MRO: variants seen among roughly 807,000 people sequenced by gnomAD.
The protein encoded by MRO is maestro.
A neutral mutation model predicts 31.0 loss-of-function variants in MRO; 28 were observed. The observed-to-expected ratio is 0.90, with a 90% CI of 0.67 to 1.24. MRO has a LOEUF of 1.24. Among genes scored for constraint, MRO ranks in the 50% most tolerant of loss-of-function variants. The pLI, the probability that MRO is intolerant of heterozygous loss-of-function variation, is 0.00. For missense variants in MRO, 332 were observed against 289.2 expected (o/e 1.15, Z -1.07); for synonymous variants, 108 against 108.4 (o/e 1.00, Z 0.02).
upstream of MRO, among the ~76,000 whole-genome samples, chr18:50,824,725 A>G (rs564124010): frequency 6.5e-4 from 94 of 145,328 alleles, no homozygotes; most frequent in African/African-American, 2.0e-3. Context: ...AAGTGTTGGG[A>G]TTACAGGCAT....
intron 3 of MRO, among the ~76,000 whole-genome samples, 158 bp downstream of exon 3, chr18:50,809,144 C>CAAAAAAAAAAAAAAAAAAAA (rs61728184): frequency 4.0e-5 from 4 of 99,096 alleles, no homozygotes; most frequent in Admixed American, 1.0e-4. Flanking sequence ...GACTCCGTCT[C>CAAAAAAAAAAAAAAAAAAAA]AAAAAAAAAA....
chr18:50,820,939 G>A (rs1015400188), upstream of MRO, among the ~76,000 whole-genome samples: 3 of 152,120 alleles, frequency 2.0e-5, no homozygotes, highest in Non-Finnish European at 2.9e-5. Flanking sequence ...GAAGAATGAG[G>A]CTAAAACACC....
intron 3 of MRO, 49 bp from the exon 4 acceptor site, chr18:50,806,899 A>C: frequency 6.4e-7 from 1 of 1,561,972 alleles, no homozygotes; most frequent in Non-Finnish European, 8.8e-7. Context: ...TCAGAGTCAT[A>C]CCAATCCCAA....
At chr18:50,806,949 G>C (rs1315734089) in intron 3 of MRO, 99 bp from the exon 4 acceptor site, 3 of 1,243,220 alleles carry the variant, frequency 2.4e-6, no homozygotes, top group East Asian at 4.7e-5. Context: ...GTGATTGCCT[G>C]CTCAATTTTA....
chr18:50,803,870 G>A (rs751016755), intron 5 of MRO, among the ~76,000 whole-genome samples: 1 of 152,228 alleles, frequency 6.6e-6, no homozygotes, highest in Non-Finnish European at 1.5e-5. Flanking sequence ...CGGTCTGTTC[G>A]CTGTTCTGTA....
chr18:50,805,762 A>C (rs1378495370), intron 4 of MRO, among the ~76,000 whole-genome samples: 2 of 152,062 alleles, frequency 1.3e-5, no homozygotes, highest in Non-Finnish European at 1.5e-5. Flanking sequence ...AAATCACTTA[A>C]ATTCACCAGG....
At chr18:50,809,460 C>G in intron 2 of MRO, 56 bp from the exon 3 acceptor site, 4 of 1,214,916 alleles carry the variant, frequency 3.3e-6, no homozygotes, top group Non-Finnish European at 4.8e-6. Context: ...CATCAACAAA[C>G]ATTGTTGTAC....
upstream of MRO, chr18:50,823,970 G>A (rs1019341270): frequency 4.6e-5 from 7 of 153,052 alleles, no homozygotes; most frequent in African/African-American, 1.7e-4. Flanking sequence ...CAGAGCTCAT[G>A]GTCAGATTAA....
chr18:50,800,030 A>G lies in MRO; in HGVS notation c.693+6T>C, dbSNP rs749267219. Reference sequence around the variant, plus strand: ...AAAGAATTCTCTCCTACCCTGGCTCACTCACCAGCTGCTGGTAGAGCTTAG... The same window carrying G: ...AAAGAATTCTCTCCTACCCTGGCTCGCTCACCAGCTGCTGGTAGAGCTTAG... On this transcript the variant is annotated splice_donor_region_variant and intron_variant, in intron 7 of 7. Coordinates refer to ENST00000398439, the MANE Select transcript of MRO (RefSeq NM_031939.6). 2.5e-6 allele frequency: 4 copies of G among 1,602,804 alleles called. No individual in the cohort carries two copies. In the Admixed American group the frequency reaches 5.0e-5, roughly 20 times the overall value.
intron 3 of MRO, among the ~76,000 whole-genome samples, chr18:50,808,077 ACT>A (rs1914115106): frequency 6.6e-6 from 1 of 152,176 alleles, no homozygotes; most frequent in Non-Finnish European, 1.5e-5. Context: ...ACAGAGCGAG[ACT>A]CTGTCTCAAA....
chr18:50,821,994 T>C (rs1201041390), upstream of MRO, among the ~76,000 whole-genome samples: 1 of 152,186 alleles, frequency 6.6e-6, no homozygotes, highest in Non-Finnish European at 1.5e-5. Flanking sequence ...AAGATTCTCC[T>C]TATGTGGCCC....
chr18:50,816,331 GCTTTTTCTTTTT>G (rs1017970140), intron 2 of MRO, among the ~76,000 whole-genome samples: 5 of 152,196 alleles, frequency 3.3e-5, no homozygotes, highest in Non-Finnish European at 5.9e-5. Flanking sequence ...ATCTGCTATA[GCTTTTTCTTTTT>G]CTTTTTCTTT....
chr18:50,800,663 T>A (rs1913207101), intron 6 of MRO, among the ~76,000 whole-genome samples: 1 of 151,992 alleles, frequency 6.6e-6, no homozygotes, highest in South Asian at 2.1e-4. Context: ...GGTGGGTGGA[T>A]CACCTGAGGT....
chr18:50,803,868 T>A (rs1913651547), intron 5 of MRO, among the ~76,000 whole-genome samples: 2 of 152,262 alleles, frequency 1.3e-5, no homozygotes, highest in Non-Finnish European at 2.9e-5. Flanking sequence ...AACGGTCTGT[T>A]CGCTGTTCTG....
intron 5 of MRO, among the ~76,000 whole-genome samples, chr18:50,804,834 C>G (rs1394723233): frequency 1.3e-5 from 2 of 151,890 alleles, no homozygotes; most frequent in Non-Finnish European, 2.9e-5. Context: ...GCTCTATTGC[C>G]AGGCTGGAGT....
intron 2 of MRO, chr18:50,814,617 G>T: frequency 4.7e-6 from 1 of 213,358 alleles, no homozygotes; most frequent in Middle Eastern, 8.8e-4. Flanking sequence ...GGCATATAGC[G>T]GAACCAAAGA....
chr18:50,805,175 C>T lies in MRO; in HGVS notation c.408G>A (p.Gln136=). The T allele has an allele frequency of 6.2e-7, 1 of 1,613,150 alleles. No homozygotes were observed. Among genetic ancestry groups the T allele is most frequent in the Non-Finnish European group, 8.5e-7 (1 of 1,179,120 alleles). Residue 136 remains glutamine, a synonymous_variant, in exon 5 of 8, where the codon CAG becomes CAA. Coordinates refer to ENST00000398439, the MANE Select transcript of MRO (RefSeq NM_031939.6). ...LGSFFIDITL[Q]TRTLLDDEND... Reference sequence around the variant, plus strand: ...TTACGTCATCTAATAAAGTCCTGGTCTGAAGGGTGATATCTATGAAGAAGG... The same window carrying T: ...TTACGTCATCTAATAAAGTCCTGGTTTGAAGGGTGATATCTATGAAGAAGG...
At chr18:50,809,783 C>T (rs116442455) in intron 2 of MRO, among the ~76,000 whole-genome samples, 294 of 152,306 alleles carry the variant, frequency 1.9e-3, no homozygotes, top group African/African-American at 6.2e-3. Context: ...GAATGTAAAT[C>T]AGTACCTCTT....
intron 5 of MRO, among the ~76,000 whole-genome samples, chr18:50,804,868 T>C (rs1329708122): frequency 2.0e-5 from 3 of 150,918 alleles, no homozygotes; most frequent in African/African-American, 7.3e-5. Context: ...CTCGGCTCAC[T>C]GCAACCTCCA....
Sources: gnomAD v4.1 joint callset for allele counts (sites outside exome capture counted in the v4.1 genomes callset) on GRCh38, gnomAD v4.1.1 for gene constraint, MANE v1.5 for transcripts, NCBI Gene and HGNC (gene_info 2026-07-23, HGNC 2026-07-21) for gene names.